The following TMPRSS6 variants were observed in gnomAD, a reference collection of about 807,000 sequenced individuals.
TMPRSS6 encodes transmembrane protease serine 6.
In TMPRSS6, 67 loss-of-function variants were observed where a neutral mutation model predicts 101.5. The observed-to-expected ratio is 0.66, with a 90% CI of 0.54 to 0.81. The LOEUF (loss-of-function observed/expected upper bound fraction) is 0.81, where lower values mean the gene tolerates loss of function less well. Ranked by LOEUF, TMPRSS6 falls within the 30% of genes least tolerant of loss-of-function variation. The probability of loss-of-function intolerance (pLI) is 0.00; values close to 1 mark genes in which losing one functional copy is unlikely to be tolerated. For missense variants in TMPRSS6, 1,034 were observed against 1,088.7 expected, an observed-to-expected ratio of 0.95 and a Z score of 0.71; for synonymous variants, 453 against 464.9, an observed-to-expected ratio of 0.97 and a Z score of 0.33.
In TMPRSS6 at chr22:37,075,242, C is replaced by T; in HGVS notation, c.1235G>A (p.Arg412Lys). 5 of 1,613,762 alleles carry T rather than the reference C, an allele frequency of 3.1e-6. No homozygotes were observed. In the South Asian group the frequency reaches 3.3e-5, roughly 11 times the overall value. Residue 412 changes from arginine to lysine, a missense_variant, in exon 11 of 18, where the codon AGG becomes AAG. Arg to Lys is a conservative substitution (Grantham distance 26, BLOSUM62 2). Transcript: ENST00000676104. The part of the protein sequence containing the change: ...GLRILQPYAE[R>K]IPVVATAGIT... ...CCCGGCCGTGGCCACCACGGGGATCCTCTCGGCGTAGGGCTGCAGGATGCG... is the reference window on the plus strand; with the variant it reads ...CCCGGCCGTGGCCACCACGGGGATCTTCTCGGCGTAGGGCTGCAGGATGCG...
chr22:37,100,968 G>A (rs538204381), intron 2 of TMPRSS6, among the ~76,000 whole-genome samples: 1 of 152,304 alleles, frequency 6.6e-6, no homozygotes, highest in South Asian at 2.1e-4. Flanking sequence ...ACTGAGAAGT[G>A]GACATTGGAT....
intron 2 of TMPRSS6, among the ~76,000 whole-genome samples, chr22:37,099,503 C>A (rs1197058981): frequency 6.6e-6 from 1 of 152,202 alleles, no homozygotes; most frequent in African/African-American, 2.4e-5. Context: ...CTGGTTTACA[C>A]CCCTATCCAT....
At chr22:37,066,508 CCTTT>C (rs1347196649) in intron 17 of TMPRSS6, among the ~76,000 whole-genome samples, 1 of 152,238 alleles carries the variant, frequency 6.6e-6, no homozygotes, top group East Asian at 1.9e-4. Flanking sequence ...GGCTGACACC[CCTTT>C]CTTCTTCCAT....
chr22:37,068,710 T>C, intron 16 of TMPRSS6: 1 of 779,530 alleles, frequency 1.3e-6, no homozygotes, highest in South Asian at 1.3e-5. Context: ...GAAGTCAAGT[T>C]CCCCTAAAAT....
chr22:37,102,613 G>T (rs1190552473), intron 2 of TMPRSS6, among the ~76,000 whole-genome samples: 3 of 152,194 alleles, frequency 2.0e-5, no homozygotes, highest in Non-Finnish European at 4.4e-5. Context: ...TGAGGGCTGT[G>T]ACATCAGGGA....
In TMPRSS6 at chr22:37,105,153, T is replaced by C. The variant is rs543421111; in HGVS notation, c.-1-1735A>G. 5.3e-5 allele frequency among the ~76,000 whole-genome samples: 8 copies of C among 152,180 alleles called. No individual in the cohort carries two copies. The East Asian group carries it at 1.6e-3, about 30-fold the overall frequency. On this transcript the variant is annotated intron_variant, in intron 1 of 17. Coordinates refer to ENST00000676104, the MANE Select transcript of TMPRSS6 (RefSeq NM_001374504.1). ...GCTTCCTGGCTCCCTCCAGCTCCCC[T>C]TGGCATCGTTCCCAGCTAAGGGTCT...
chr22:37,072,094 GGACAGAT>G, intron 13 of TMPRSS6, among the ~76,000 whole-genome samples: 3 of 144,648 alleles, frequency 2.1e-5, no homozygotes, highest in African/African-American at 8.3e-5. Flanking sequence ...GATGGATGAT[GGACAGAT>G]GATGGATGGA....
chr22:37,074,553 G>A (rs755409444), intron 12 of TMPRSS6, 57 bp downstream of exon 12: 5 of 1,523,168 alleles, frequency 3.3e-6, no homozygotes, highest in Non-Finnish European at 4.5e-6. Context: ...AGCAGGAAAG[G>A]TGAGGAAGGA....
intron 10 of TMPRSS6, among the ~76,000 whole-genome samples, chr22:37,078,967 G>GAAAA (rs71324840): frequency 2.4e-5 from 2 of 83,936 alleles, no homozygotes; most frequent in Non-Finnish European, 2.6e-5. Flanking sequence ...GAGAAAGAAA[G>GAAAA]AAAGAAAAAG....
At chr22:37,102,893 C>T (rs113014645) in intron 2 of TMPRSS6, among the ~76,000 whole-genome samples, 4 of 152,024 alleles carry the variant, frequency 2.6e-5, no homozygotes, top group African/African-American at 7.2e-5. Context: ...CAAGGGAAGG[C>T]GATGTTTATG....
intron 10 of TMPRSS6, chr22:37,082,711 G>T: frequency 2.9e-6 from 1 of 347,718 alleles, no homozygotes; most frequent in Non-Finnish European, 5.6e-6. Context: ...GCACAGGCCT[G>T]ATGTCACACT....
intron 16 of TMPRSS6, among the ~76,000 whole-genome samples, chr22:37,068,452 G>C (rs1331346630): frequency 6.6e-6 from 1 of 152,242 alleles, no homozygotes; most frequent in Admixed American, 6.5e-5. Context: ...AGCTGGGTCT[G>C]TGTCCCCAAA....
Position 37,091,972 on chromosome 22 carries a change from G to A in TMPRSS6, c.632-2190C>T, listed in dbSNP as rs368098823. Among the ~76,000 whole-genome samples, 242 of 152,314 alleles carry A rather than the reference G, an allele frequency of 1.6e-3. 3 individuals are homozygous for A. The highest frequency in any genetic ancestry group is 0.012 in the South Asian group (60 of 4,824). ...GAGAGAGAACAACAATGTCTGCCTA[G>A]GGAAGGGACAGGGCCTCCACCAGCA... On this transcript the variant is annotated intron_variant, in intron 6 of 17. Transcript: ENST00000676104.
At position 37,086,566 on chromosome 22, in the gene TMPRSS6, T is replaced by G. The variant is rs574596104; in HGVS notation, c.837-147A>C. Reference sequence around the variant, plus strand: ...GTCTCCTACCAGAGACCACTGTGTGTCTGTGGGGAGAATTCTGTGTCTCCC... The same window carrying G: ...GTCTCCTACCAGAGACCACTGTGTGGCTGTGGGGAGAATTCTGTGTCTCCC... On this transcript the variant is annotated intron_variant, in intron 7 of 17. Transcript: ENST00000676104. 14 of 833,410 alleles carry G rather than the reference T, an allele frequency of 1.7e-5. No homozygotes were observed. In the South Asian group the frequency reaches 1.8e-4, roughly 11 times the overall value. 51.6% of individuals were successfully genotyped at this position (833,410 alleles called of 1,614,324 possible). A position where few individuals can be genotyped will look rare whatever the true frequency, so the allele number is the denominator to read the frequency against.
At chr22:37,085,736 C>T (rs984823951) in intron 8 of TMPRSS6, among the ~76,000 whole-genome samples, 3 of 152,154 alleles carry the variant, frequency 2.0e-5, no homozygotes, top group Admixed American at 2.0e-4. Flanking sequence ...GGGAGACCTG[C>T]CACACCAGTG....
intron 13 of TMPRSS6, among the ~76,000 whole-genome samples, chr22:37,072,851 G>C (rs1601524113): frequency 1.3e-5 from 2 of 149,074 alleles, no homozygotes; most frequent in Admixed American, 1.3e-4. Context: ...TGGATGGATG[G>C]ATGGATGATG....
chr22:37,097,657 G>GA (rs1569023061), intron 3 of TMPRSS6, among the ~76,000 whole-genome samples: 2 of 149,102 alleles, frequency 1.3e-5, no homozygotes, highest in African/African-American at 2.5e-5. Flanking sequence ...AGGGGCAGGA[G>GA]TGGCCACCGT....
At chr22:37,084,024 G>C in intron 10 of TMPRSS6, 1 of 570,888 alleles carries the variant, frequency 1.8e-6, no homozygotes, top group Non-Finnish European at 3.2e-6. Flanking sequence ...CAATTTTGCT[G>C]TAATTAGAAT....
At chr22:37,108,265 C>T (rs1009694105) in intron 1 of TMPRSS6, among the ~76,000 whole-genome samples, 5 of 152,202 alleles carry the variant, frequency 3.3e-5, no homozygotes, top group Non-Finnish European at 7.4e-5. Context: ...GCCTGGGCCC[C>T]CACCTCCCAA....
Sources: allele counts gnomAD v4.1 joint callset (sites outside exome capture counted in the v4.1 genomes callset), GRCh38; gene constraint gnomAD v4.1.1; transcripts MANE v1.5; gene names NCBI Gene and HGNC (gene_info 2026-07-23, HGNC 2026-07-21).